Variants in FRMD4A observed in about 807,000 individuals in gnomAD.
FRMD4A encodes FERM domain-containing protein 4A.
Under a neutral mutation model 129.1 loss-of-function variants are expected in FRMD4A, and 29 were observed. The ratio of observed to expected loss-of-function variants is 0.22; its 90% CI spans 0.17 to 0.31. The LOEUF (loss-of-function observed/expected upper bound fraction) is 0.31. FRMD4A is among the 10% of genes least tolerant of loss of function. The pLI is 1.00. For synonymous variants in FRMD4A, 634 were observed against 571.6 expected, an observed-to-expected ratio of 1.11 and a Z score of -1.56; for missense variants, 1,272 against 1,375.8, an observed-to-expected ratio of 0.92 and a Z score of 1.19.
chr10:13,811,187 G>C (rs1293631848), intron 3 of FRMD4A, among the ~76,000 whole-genome samples: 1 of 150,882 alleles, frequency 6.6e-6, no homozygotes, highest in Non-Finnish European at 1.5e-5. Context: ...CCAGGCTGGA[G>C]TGCAGTGGCA....
chr10:14,316,404 G>A (rs1443678661), intron 2 of FRMD4A, among the ~76,000 whole-genome samples: 2 of 150,560 alleles, frequency 1.3e-5, no homozygotes, highest in African/African-American at 2.4e-5. Context: ...GGCCTCCCCA[G>A]ATGCCCATTC....
chr10:13,685,192 A>C (rs191870386), intron 15 of FRMD4A: 1 of 984,966 alleles, frequency 1.0e-6, no homozygotes, highest in Admixed American at 6.1e-5. Context: ...CAGGCTTAGA[A>C]ATTTTAGAAA....
At chr10:13,922,244 G>C (rs530296938) in intron 2 of FRMD4A, among the ~76,000 whole-genome samples, 2 of 152,122 alleles carry the variant, frequency 1.3e-5, no homozygotes, top group African/African-American at 4.8e-5. Flanking sequence ...CCCAGCTCAT[G>C]ATGACAGTGA....
intron 2 of FRMD4A, among the ~76,000 whole-genome samples, chr10:14,290,665 G>T (rs1845822627): frequency 6.6e-6 from 1 of 152,052 alleles, no homozygotes; most frequent in Admixed American, 6.5e-5. Context: ...TCATGAGATT[G>T]GGCTTGGCAA....
At chr10:14,221,739 G>A (rs983278261) in intron 2 of FRMD4A, among the ~76,000 whole-genome samples, 6 of 149,698 alleles carry the variant, frequency 4.0e-5, no homozygotes, top group African/African-American at 9.9e-5. Flanking sequence ...TTTTTTTTTA[G>A]AGATGGGGTC....
At chr10:14,076,214 C>T (rs1277523132) in intron 2 of FRMD4A, among the ~76,000 whole-genome samples, 2 of 152,186 alleles carry the variant, frequency 1.3e-5, no homozygotes, top group Admixed American at 1.3e-4. Context: ...CTGCCTTTCC[C>T]ATGTTACCTG....
At chr10:14,324,387 G>A (rs1843181286) in intron 2 of FRMD4A, among the ~76,000 whole-genome samples, 1 of 152,000 alleles carries the variant, frequency 6.6e-6, no homozygotes, top group Non-Finnish European at 1.5e-5. Flanking sequence ...CATTTCTCAG[G>A]GACTTTTTGA....
chr10:13,702,014 G>A (rs1293251648), intron 13 of FRMD4A, among the ~76,000 whole-genome samples: 1 of 152,152 alleles, frequency 6.6e-6, no homozygotes, highest in Non-Finnish European at 1.5e-5. Flanking sequence ...TAAAGAATCA[G>A]GAGAAGAAAG....
At chr10:14,255,826 T>C (rs1589233484) in intron 2 of FRMD4A, among the ~76,000 whole-genome samples, 1 of 151,980 alleles carries the variant, frequency 6.6e-6, no homozygotes, top group Non-Finnish European at 1.5e-5. Context: ...ACCAACATGG[T>C]GAAATCCAGT....
chr10:13,839,620 T>G (rs1409058127), intron 3 of FRMD4A, among the ~76,000 whole-genome samples: 2 of 152,198 alleles, frequency 1.3e-5, no homozygotes, highest in Non-Finnish European at 2.9e-5. Context: ...ACACATGGAC[T>G]TTTCCAGATT....
At chr10:13,662,410 C>T (rs1237813990) in intron 19 of FRMD4A, among the ~76,000 whole-genome samples, 3 of 152,112 alleles carry the variant, frequency 2.0e-5, no homozygotes, top group African/African-American at 7.2e-5. Flanking sequence ...TCCATCTGAA[C>T]AGCCACTTAT....
chr10:14,150,847 C>T (rs897044277), intron 2 of FRMD4A, among the ~76,000 whole-genome samples: 1 of 152,132 alleles, frequency 6.6e-6, no homozygotes. Flanking sequence ...AACACATCAG[C>T]GCTTTTAGAA....
At chr10:14,274,481 AG>A (rs1479553937) in intron 2 of FRMD4A, among the ~76,000 whole-genome samples, 1 of 152,092 alleles carries the variant, frequency 6.6e-6, no homozygotes, top group Non-Finnish European at 1.5e-5. Flanking sequence ...GGAAAGGAAA[AG>A]CTCATAGGAG....
At chr10:13,797,252 A>G in intron 4 of FRMD4A, among the ~76,000 whole-genome samples, 1 of 152,230 alleles carries the variant, frequency 6.6e-6, no homozygotes, top group Non-Finnish European at 1.5e-5. Context: ...TTTTTCCTGA[A>G]GGACTGAAAG....
chr10:13,678,412 TG>T (rs2084186045), intron 15 of FRMD4A, among the ~76,000 whole-genome samples: 1 of 152,120 alleles, frequency 6.6e-6, no homozygotes, highest in South Asian at 2.1e-4. Context: ...AACTGGATGG[TG>T]GATAGAGGGT....
chr10:13,749,626 T>A (rs2091468718), intron 8 of FRMD4A, among the ~76,000 whole-genome samples: 1 of 151,958 alleles, frequency 6.6e-6, no homozygotes, highest in Non-Finnish European at 1.5e-5. Flanking sequence ...CTGTGTGTGG[T>A]GATAAAGAAA....
intron 13 of FRMD4A, among the ~76,000 whole-genome samples, chr10:13,703,443 G>A (rs1015492395): frequency 6.6e-5 from 10 of 152,176 alleles, no homozygotes; most frequent in Non-Finnish European, 1.5e-4. Flanking sequence ...GTGCCCCACA[G>A]GGAATGGTGC....
intron 8 of FRMD4A, among the ~76,000 whole-genome samples, chr10:13,751,821 G>A (rs974277674): frequency 4.6e-5 from 7 of 152,016 alleles, no homozygotes; most frequent in Non-Finnish European, 8.8e-5. Flanking sequence ...GACCAGCCTG[G>A]GCAACATAGC....
chr10:13,955,737 A>T (rs950445707), intron 2 of FRMD4A, among the ~76,000 whole-genome samples: 2 of 152,214 alleles, frequency 1.3e-5, no homozygotes, highest in African/African-American at 4.8e-5. Context: ...TGGAATTTCT[A>T]GCGTATTAAA....
Sources: gnomAD v4.1 joint callset for allele counts (sites outside exome capture counted in the v4.1 genomes callset) on GRCh38, gnomAD v4.1.1 for gene constraint, MANE v1.5 for transcripts, NCBI Gene and HGNC (gene_info 2026-07-23, HGNC 2026-07-21) for gene names.